DLGAP2: variants seen among roughly 807,000 people sequenced by gnomAD.
DLGAP2 encodes the protein disks large-associated protein 2.
DLGAP2 carries 26 observed loss-of-function variants against 100.3 expected under a neutral mutation model. That is an observed-to-expected ratio of 0.26 (90% CI 0.19 to 0.36). The LOEUF is 0.36. Among genes scored for constraint, DLGAP2 ranks in the 10% least tolerant of loss-of-function variants. The pLI, the probability that DLGAP2 is intolerant of heterozygous loss-of-function variation, is 1.00. For missense variants in DLGAP2, 1,858 were observed against 1,453.2 expected (o/e 1.28, Z -4.53); for synonymous variants, 886 against 630.1 (o/e 1.41, Z -6.08).
intron 2 of DLGAP2, among the ~76,000 whole-genome samples, chr8:1,036,774 G>C (rs1383495131): frequency 2.0e-5 from 3 of 152,128 alleles, no homozygotes; most frequent in Admixed American, 2.0e-4. Context: ...CGCAGGCTGG[G>C]AATTGCCGTC....
chr8:1,036,386 G>T (rs371456118), intron 2 of DLGAP2, among the ~76,000 whole-genome samples: 2 of 152,270 alleles, frequency 1.3e-5, no homozygotes, highest in African/African-American at 4.8e-5. Context: ...GTGGTGTGAG[G>T]TGGGGCTGGC....
intron 2 of DLGAP2, among the ~76,000 whole-genome samples, chr8:978,992 T>C (rs544626118): frequency 6.6e-6 from 1 of 152,238 alleles, no homozygotes; most frequent in African/African-American, 2.4e-5. Context: ...GAGACCCTGT[T>C]AGGAAGCTTG....
chr8:1,229,004 C>G lies in DLGAP2; in HGVS notation c.74-29847C>G, dbSNP rs60228867. Among the ~76,000 whole-genome samples the G allele has an allele frequency of 8.4e-3, 1,276 of 152,150 alleles. 18 individuals are homozygous for G. Among genetic ancestry groups the G allele is most frequent in the African/African-American group, 0.029 (1,215 of 41,520 alleles). ...CAAAACAATATCTATTTGCAAGTAA[C>G]ATAAAGTTGTATAGAAAATATTTAG... On this transcript the variant is annotated intron_variant, in intron 2 of 14. Coordinates refer to ENST00000637795, the MANE Select transcript of DLGAP2 (RefSeq NM_001346810.2).
chr8:1,491,291 G>A (rs906425184), intron 3 of DLGAP2, among the ~76,000 whole-genome samples: 8 of 146,608 alleles, frequency 5.5e-5, no homozygotes, highest in African/African-American at 2.1e-4. Flanking sequence ...TGCCGATGCT[G>A]TGAGCAAGAG....
intron 1 of DLGAP2, among the ~76,000 whole-genome samples, chr8:745,280 T>C (rs1820590059): frequency 6.6e-6 from 1 of 152,262 alleles, no homozygotes; most frequent in African/African-American, 2.4e-5. Flanking sequence ...CTATATATAA[T>C]TTAGAAATTT....
intron 1 of DLGAP2, among the ~76,000 whole-genome samples, chr8:782,305 G>C (rs745702011): frequency 6.6e-6 from 1 of 151,672 alleles, no homozygotes. Context: ...CTAATAACTG[G>C]TAGTATCTTG....
chr8:1,140,888 G>A (rs546523418), intron 2 of DLGAP2, among the ~76,000 whole-genome samples: 4 of 152,176 alleles, frequency 2.6e-5, no homozygotes, highest in African/African-American at 9.6e-5. Context: ...AGGAGAATCG[G>A]CAGAAAAATC....
chr8:1,229,070 G>C (rs1798480452), intron 2 of DLGAP2, among the ~76,000 whole-genome samples: 1 of 152,140 alleles, frequency 6.6e-6, no homozygotes, highest in African/African-American at 2.4e-5. Flanking sequence ...ACTGAATTCA[G>C]CAAGATTGTA....
chr8:1,339,674 T>G (rs1422483460), intron 3 of DLGAP2, among the ~76,000 whole-genome samples: 3 of 152,198 alleles, frequency 2.0e-5, no homozygotes, highest in South Asian at 2.1e-4. Flanking sequence ...CATTGTGACC[T>G]TCGTTTAATA....
chr8:1,446,568 G>T (rs573691569), intron 3 of DLGAP2, among the ~76,000 whole-genome samples: 13 of 151,962 alleles, frequency 8.6e-5, no homozygotes, highest in South Asian at 2.1e-4. Context: ...TTGACTTGGC[G>T]ATGCGGGCTC....
chr8:994,415 G>A (rs1022860694), intron 2 of DLGAP2, among the ~76,000 whole-genome samples: 1 of 152,214 alleles, frequency 6.6e-6, no homozygotes. Context: ...GGTCAGGCTG[G>A]TCTCGAACTC....
At chr8:1,327,897 T>G (rs530568093) in intron 3 of DLGAP2, among the ~76,000 whole-genome samples, 28 of 152,288 alleles carry the variant, frequency 1.8e-4, no homozygotes, top group Non-Finnish European at 3.7e-4. Flanking sequence ...TTCTCCACTT[T>G]TTCATTAATT....
intron 8 of DLGAP2, among the ~76,000 whole-genome samples, chr8:1,667,916 C>CG (rs558714513): frequency 2.6e-4 from 39 of 150,902 alleles, no homozygotes; most frequent in African/African-American, 9.5e-4. Context: ...CGCTGTCCTG[C>CG]GGGGACACAC....
chr8:1,434,162 A>G (rs1267873713), intron 3 of DLGAP2, among the ~76,000 whole-genome samples: 1 of 151,524 alleles, frequency 6.6e-6, no homozygotes, highest in East Asian at 1.9e-4. Context: ...GATTAATATG[A>G]CCGTCAGCAG....
chr8:1,484,557 A>T (rs1401022776), intron 3 of DLGAP2, among the ~76,000 whole-genome samples: 1 of 152,240 alleles, frequency 6.6e-6, no homozygotes, highest in Non-Finnish European at 1.5e-5. Context: ...AGCCCAGAAC[A>T]GCCATCCAGA....
At chr8:1,662,458 G>A (rs183143020) in intron 8 of DLGAP2, among the ~76,000 whole-genome samples, 98 of 152,276 alleles carry the variant, frequency 6.4e-4, no homozygotes, top group Non-Finnish European at 4.0e-4. Flanking sequence ...GGATTCTGAC[G>A]TGCACTCTTG....
At chr8:1,152,210 C>T (rs1452550405) in intron 2 of DLGAP2, among the ~76,000 whole-genome samples, 3 of 152,152 alleles carry the variant, frequency 2.0e-5, no homozygotes, top group South Asian at 4.1e-4. Flanking sequence ...TTGTTTCCTT[C>T]GAATTCTTTA....
intron 3 of DLGAP2, among the ~76,000 whole-genome samples, chr8:1,392,894 T>G (rs147610509): frequency 1.4e-5 from 2 of 142,498 alleles, no homozygotes; most frequent in Admixed American, 7.1e-5. Context: ...TTTCTGTTTT[T>G]TTTTTGAGAC....
intron 2 of DLGAP2, among the ~76,000 whole-genome samples, chr8:1,177,769 C>G (rs1315490286): frequency 6.6e-6 from 1 of 152,100 alleles, no homozygotes; most frequent in Non-Finnish European, 1.5e-5. Flanking sequence ...GGTGTGTAGA[C>G]CACACCTGCT....
Sources: gnomAD v4.1 joint callset for allele counts (sites outside exome capture counted in the v4.1 genomes callset) on GRCh38, gnomAD v4.1.1 for gene constraint, MANE v1.5 for transcripts, NCBI Gene and HGNC (gene_info 2026-07-23, HGNC 2026-07-21) for gene names.